NCAM2: variants seen among roughly 807,000 people sequenced by gnomAD.
NCAM2 encodes N-CAM-2.
Under a neutral mutation model 98.1 loss-of-function variants are expected in NCAM2, and 30 were observed. That is an observed-to-expected ratio of 0.31 (90% CI 0.23 to 0.41). NCAM2 has a LOEUF of 0.41. Ranked by LOEUF, NCAM2 falls within the 10% of genes least tolerant of loss-of-function variation. NCAM2 has a pLI of 1.00. For synonymous variants in NCAM2, 368 were observed against 342.4 expected (o/e 1.07, Z -0.83); for missense variants, 867 against 1,005.8 (o/e 0.86, Z 1.87).
chr21:21,454,586 C>T (rs747426151), intron 12 of NCAM2, among the ~76,000 whole-genome samples: 7 of 151,666 alleles, frequency 4.6e-5, no homozygotes, highest in Admixed American at 2.6e-4. Context: ...CTGCATTTGT[C>T]GGTTTCAGCA....
chr21:21,375,662 T>TA (rs999369277), intron 9 of NCAM2, among the ~76,000 whole-genome samples: 5 of 151,790 alleles, frequency 3.3e-5, no homozygotes, highest in Admixed American at 6.6e-5. Context: ...GTACATTTGT[T>TA]ATATTTTTAA....
chr21:21,050,407 T>C (rs1296115129), intron 1 of NCAM2, among the ~76,000 whole-genome samples: 1 of 152,180 alleles, frequency 6.6e-6, no homozygotes, highest in African/African-American at 2.4e-5. Context: ...CTCTGGTAAG[T>C]CAGGTGCCAC....
intron 1 of NCAM2, among the ~76,000 whole-genome samples, chr21:21,055,876 C>T (rs1441812896): frequency 6.6e-6 from 1 of 151,998 alleles, no homozygotes; most frequent in Admixed American, 6.6e-5. Flanking sequence ...TGGCATAATC[C>T]ATGTTCGGTA....
chr21:21,414,833 AG>A (rs1393719241), intron 10 of NCAM2, among the ~76,000 whole-genome samples: 1 of 152,168 alleles, frequency 6.6e-6, no homozygotes, highest in South Asian at 2.1e-4. Flanking sequence ...CACAGGCTTC[AG>A]AATGGATGTT....
At chr21:21,514,194 CTCTTT>C (rs1419291006) in intron 16 of NCAM2, among the ~76,000 whole-genome samples, 1 of 150,464 alleles carries the variant, frequency 6.6e-6, no homozygotes, top group Non-Finnish European at 1.5e-5. Flanking sequence ...TACATATAAC[CTCTTT>C]TCTTATTTTT....
intron 8 of NCAM2, among the ~76,000 whole-genome samples, chr21:21,364,734 T>C (rs1178308201): frequency 1.3e-5 from 2 of 152,072 alleles, no homozygotes; most frequent in African/African-American, 2.4e-5. Flanking sequence ...ATAAAATTAA[T>C]ACTTTGAATA....
At chr21:21,092,376 C>A (rs1276051948) in intron 1 of NCAM2, among the ~76,000 whole-genome samples, 4 of 151,812 alleles carry the variant, frequency 2.6e-5, no homozygotes, top group Non-Finnish European at 5.9e-5. Context: ...AATAATTATG[C>A]ATATTTATTT....
intron 12 of NCAM2, among the ~76,000 whole-genome samples, chr21:21,433,044 G>A (rs232401): frequency 6.6e-6 from 1 of 152,116 alleles, no homozygotes; most frequent in Non-Finnish European, 1.5e-5. Context: ...AAAAGCAAGA[G>A]CCTTCCTGAG....
At chr21:21,147,281 A>G (rs2067306497) in intron 1 of NCAM2, 6 of 980,640 alleles carry the variant, frequency 6.1e-6, no homozygotes, top group Non-Finnish European at 7.3e-6. Context: ...TCACTGAATG[A>G]GAATTACTAC....
At chr21:21,131,982 G>A (rs1014857391) in intron 1 of NCAM2, among the ~76,000 whole-genome samples, 1 of 152,166 alleles carries the variant, frequency 6.6e-6, no homozygotes, top group Non-Finnish European at 1.5e-5. Flanking sequence ...TTACACTTCT[G>A]TGGATCAGAA....
intron 1 of NCAM2, among the ~76,000 whole-genome samples, chr21:21,062,281 A>T (rs1358548791): frequency 3.3e-5 from 5 of 152,212 alleles, no homozygotes; most frequent in Admixed American, 3.3e-4. Flanking sequence ...AAATATCTCA[A>T]AGTATTTTGT....
chr21:21,468,452 G>C (rs1050886517), intron 13 of NCAM2, among the ~76,000 whole-genome samples: 1 of 151,974 alleles, frequency 6.6e-6, no homozygotes, highest in Non-Finnish European at 1.5e-5. Flanking sequence ...TCAGGCTACA[G>C]TTTTGGCATG....
chr21:21,302,886 G>A (rs7275279), intron 5 of NCAM2, among the ~76,000 whole-genome samples: 63,497 of 151,686 alleles, frequency 0.42, 14,473 homozygotes, highest in Non-Finnish European at 0.53. Flanking sequence ...TAAATAAAAT[G>A]TATTACATAT....
chr21:21,344,416 G>T (rs2075132359), intron 8 of NCAM2, among the ~76,000 whole-genome samples: 1 of 152,130 alleles, frequency 6.6e-6, no homozygotes, highest in African/African-American at 2.4e-5. Flanking sequence ...AAATGTGATT[G>T]CAGGCCAGGC....
chr21:21,080,781 A>T (rs1282722583), intron 1 of NCAM2, among the ~76,000 whole-genome samples: 1 of 151,978 alleles, frequency 6.6e-6, no homozygotes, highest in Non-Finnish European at 1.5e-5. Context: ...CCTGGAGCTT[A>T]AAGTGTTACT....
intron 5 of NCAM2, among the ~76,000 whole-genome samples, chr21:21,295,741 A>G (rs1568898443): frequency 6.6e-6 from 1 of 151,780 alleles, no homozygotes; most frequent in Non-Finnish European, 1.5e-5. Flanking sequence ...ATGAGTACAA[A>G]ATAAAGTATA....
rs1555882202 is a variant in NCAM2 at position 21,082,225 on chromosome 21, T to TTAAAAAAAAAAA, written c.55+83607_55+83608insTAAAAAAAAAAA. On this transcript the variant is annotated intron_variant, in intron 1 of 17. Transcript: ENST00000400546. ...CCTGGGCGACAGAGTGAGAATCCTT[T>TTAAAAAAAAAAA]AAAAAAAAAAAAAAAAAAGAATTCT... Among the ~76,000 whole-genome samples, 421 of 82,858 alleles carry TTAAAAAAAAAAA rather than the reference T, an allele frequency of 5.1e-3. 10 individuals are homozygous for TTAAAAAAAAAAA. The highest frequency in any genetic ancestry group is 0.018 in the African/African-American group (395 of 22,550). 54.4% of individuals were successfully genotyped at this position (82,858 alleles called of 152,430 possible).
intron 12 of NCAM2, among the ~76,000 whole-genome samples, chr21:21,446,077 T>G (rs1980088951): frequency 6.6e-6 from 1 of 152,088 alleles, no homozygotes; most frequent in African/African-American, 2.4e-5. Flanking sequence ...ATTTTTTTTC[T>G]CCTTCAGTTA....
intron 8 of NCAM2, among the ~76,000 whole-genome samples, chr21:21,346,067 G>A (rs1568960014): frequency 6.6e-6 from 1 of 151,718 alleles, no homozygotes; most frequent in Non-Finnish European, 1.5e-5. Context: ...AATATAAATG[G>A]ACTAAACTCT....
Sources: gnomAD v4.1 joint callset for allele counts (sites outside exome capture counted in the v4.1 genomes callset) on GRCh38, gnomAD v4.1.1 for gene constraint, MANE v1.5 for transcripts, NCBI Gene and HGNC (gene_info 2026-07-23, HGNC 2026-07-21) for gene names.